Variants in SYT1 observed in about 807,000 individuals in gnomAD.
The protein encoded by SYT1 is synaptotagmin-1.
In SYT1, 8 loss-of-function variants were observed where a neutral mutation model predicts 44.8. The observed-to-expected ratio is 0.18, with a 90% CI of 0.10 to 0.32. SYT1 has a LOEUF of 0.32. Ranked by LOEUF, SYT1 falls within the 10% of genes least tolerant of loss-of-function variation. SYT1 has a pLI of 1.00. For missense variants in SYT1, 286 were observed against 509.3 expected (o/e 0.56, Z 4.22); for synonymous variants, 154 against 188.8 (o/e 0.82, Z 1.51).
chr12:79,047,008 T>A (rs1335441147), intron 2 of SYT1, among the ~76,000 whole-genome samples: 2 of 152,044 alleles, frequency 1.3e-5, no homozygotes, highest in African/African-American at 4.8e-5. Context: ...TAGATTAGTG[T>A]TACTCTAATT....
intron 3 of SYT1, among the ~76,000 whole-genome samples, chr12:79,191,494 A>G (rs1237719011): frequency 6.6e-6 from 1 of 152,178 alleles, no homozygotes; most frequent in Non-Finnish European, 1.5e-5. Flanking sequence ...ATTCCTGCTA[A>G]TAGAAATATT....
Position 79,178,913 on chromosome 12 carries a change from T to C in SYT1, c.-17-38590T>C, listed in dbSNP as rs186807064. Among the ~76,000 whole-genome samples, 49 of 134,738 alleles carry C rather than the reference T, an allele frequency of 3.6e-4. 5 individuals carry two copies. Among genetic ancestry groups the C allele is most frequent in the African/African-American group, 1.3e-3 (46 of 34,638 alleles). The allele number at this position is 134,738 out of a possible 152,430, so 88.4% of individuals were successfully genotyped here. ...TCATGCATGCGCCACCACACCCAGA[T>C]ATAGATATAGATATATCTATATAGA... On this transcript the variant is annotated intron_variant, in intron 3 of 10. Transcript: ENST00000261205.
At chr12:79,100,919 A>C (rs553638753) in intron 3 of SYT1, among the ~76,000 whole-genome samples, 1 of 152,272 alleles carries the variant, frequency 6.6e-6, no homozygotes, top group African/African-American at 2.4e-5. Context: ...CTGTGAAGAA[A>C]AAAATGCAAA....
intron 3 of SYT1, among the ~76,000 whole-genome samples, chr12:79,164,285 T>C (rs1160044303): frequency 6.6e-6 from 1 of 152,120 alleles, no homozygotes; most frequent in Non-Finnish European, 1.5e-5. Flanking sequence ...ACAGAGAATT[T>C]AGTGGGCATC....
intron 1 of SYT1, among the ~76,000 whole-genome samples, chr12:78,896,790 T>C (rs73134331): frequency 0.056 from 8,545 of 151,942 alleles, 340 homozygotes; most frequent in Non-Finnish European, 0.086. Flanking sequence ...CTGAATTATC[T>C]TCATTTCTTT....
intron 2 of SYT1, among the ~76,000 whole-genome samples, chr12:79,029,648 T>C (rs1872724048): frequency 6.6e-6 from 1 of 151,204 alleles, no homozygotes; most frequent in South Asian, 2.1e-4. Flanking sequence ...ATTTTATTTA[T>C]GTAGATATGC....
chr12:79,013,276 G>C (rs1014851605), intron 2 of SYT1, among the ~76,000 whole-genome samples: 2 of 152,022 alleles, frequency 1.3e-5, no homozygotes. Context: ...AGCATAGTAG[G>C]TATTTCATAA....
intron 3 of SYT1, among the ~76,000 whole-genome samples, chr12:79,049,085 C>T (rs921302657): frequency 6.6e-6 from 1 of 151,858 alleles, no homozygotes; most frequent in Admixed American, 6.6e-5. Context: ...CTACTTCACT[C>T]CCTCACAATT....
chr12:79,191,407 A>C (rs773964364), intron 3 of SYT1, among the ~76,000 whole-genome samples: 9 of 152,138 alleles, frequency 5.9e-5, no homozygotes, highest in Non-Finnish European at 1.0e-4. Flanking sequence ...ATTCACATGA[A>C]ATTTTTTTAG....
intron 3 of SYT1, among the ~76,000 whole-genome samples, chr12:79,146,491 C>A (rs1040450177): frequency 6.6e-6 from 1 of 152,182 alleles, no homozygotes; most frequent in Non-Finnish European, 1.5e-5. Context: ...CTCATTCTGA[C>A]TTCAAAGCCT....
chr12:79,073,313 A>T (rs570354416), intron 3 of SYT1, among the ~76,000 whole-genome samples: 1 of 152,104 alleles, frequency 6.6e-6, no homozygotes, highest in Non-Finnish European at 1.5e-5. Context: ...CTGAAGTTCA[A>T]ATTTAACTGG....
At chr12:79,027,494 C>T (rs921048393) in intron 2 of SYT1, among the ~76,000 whole-genome samples, 2 of 151,024 alleles carry the variant, frequency 1.3e-5, no homozygotes, top group African/African-American at 4.8e-5. Flanking sequence ...TATAAGTATG[C>T]TTTTTATTAT....
chr12:79,001,827 GTT>G (rs1391068793), intron 2 of SYT1, among the ~76,000 whole-genome samples: 3 of 151,816 alleles, frequency 2.0e-5, no homozygotes, highest in African/African-American at 7.3e-5. Flanking sequence ...CTGATGTGAA[GTT>G]TATCTTCTGG....
Position 78,972,726 on chromosome 12 carries a change from A to G in SYT1, c.-216-5073A>G, listed in dbSNP as rs902023550. 3.3e-5 allele frequency among the ~76,000 whole-genome samples: 5 copies of G among 151,486 alleles called. No individual in the cohort carries two copies. In the East Asian group the frequency reaches 9.6e-4, roughly 29 times the overall value. ...TCCTAACTCATTCGATTTTTTTTTC[A>G]CCTTTGAGTTTTTATGAACTTATTT... On this transcript the variant is annotated intron_variant, in intron 1 of 10. Coordinates refer to ENST00000261205, the MANE Select transcript of SYT1 (RefSeq NM_005639.3).
At chr12:79,234,609 A>C (rs1876066458) in intron 4 of SYT1, among the ~76,000 whole-genome samples, 1 of 151,878 alleles carries the variant, frequency 6.6e-6, no homozygotes, top group Non-Finnish European at 1.5e-5. Flanking sequence ...GCTGAGTAGC[A>C]TTTCATTGAA....
intron 1 of SYT1, among the ~76,000 whole-genome samples, chr12:78,930,076 G>A (rs1160846208): frequency 6.6e-6 from 1 of 152,066 alleles, no homozygotes; most frequent in Non-Finnish European, 1.5e-5. Flanking sequence ...TAAACTGGAG[G>A]AATAAGTTTT....
chr12:79,263,225 CCATT>C (rs1465251965), intron 4 of SYT1, among the ~76,000 whole-genome samples: 1 of 151,434 alleles, frequency 6.6e-6, no homozygotes, highest in Non-Finnish European at 1.5e-5. Flanking sequence ...ATAGCACACT[CCATT>C]CACTTCTTTG....
chr12:79,081,028 A>G (rs1292553765), intron 3 of SYT1, among the ~76,000 whole-genome samples: 2 of 152,178 alleles, frequency 1.3e-5, no homozygotes, highest in Non-Finnish European at 2.9e-5. Flanking sequence ...GTATAGAGCT[A>G]TATGTTAGGT....
intron 3 of SYT1, among the ~76,000 whole-genome samples, chr12:79,103,369 C>A (rs530496875): frequency 5.9e-4 from 89 of 151,958 alleles, no homozygotes; most frequent in Non-Finnish European, 1.1e-3. Flanking sequence ...AAATAGTGAA[C>A]CAGTAAAATT....
Sources: allele counts gnomAD v4.1 joint callset (sites outside exome capture counted in the v4.1 genomes callset), GRCh38; gene constraint gnomAD v4.1.1; transcripts MANE v1.5; gene names NCBI Gene and HGNC (gene_info 2026-07-23, HGNC 2026-07-21).